Variants in KDM5A observed in about 807,000 individuals in gnomAD.
The protein encoded by KDM5A is lysine-specific demethylase 5A.
KDM5A carries 42 observed loss-of-function variants against 193.5 expected under a neutral mutation model. The ratio of observed to expected loss-of-function variants is 0.22; its 90% CI spans 0.17 to 0.28. The LOEUF (loss-of-function observed/expected upper bound fraction) is 0.28, where lower values mean the gene tolerates loss of function less well. Among genes scored for constraint, KDM5A ranks in the 10% least tolerant of loss-of-function variants. KDM5A has a pLI of 1.00. For missense variants in KDM5A, 1,692 were observed against 2,055.1 expected (o/e 0.82, Z 3.42); for synonymous variants, 796 against 718.1 (o/e 1.11, Z -1.73).
At position 282,272 on chromosome 12, in the gene KDM5A, G is replaced by C. The variant is rs185895815; in HGVS notation, c.*3184C>G. The C allele has an allele frequency of 8.5e-4, 201 of 236,540 alleles. 2 individuals are homozygous for C. The highest frequency in any genetic ancestry group is 4.1e-3 in the African/African-American group (185 of 45,506). The allele number at this position is 236,540 out of a possible 1,614,324, so 14.7% of individuals were successfully genotyped here. On this transcript the variant is annotated 3_prime_UTR_variant, in exon 28 of 28. Coordinates refer to ENST00000399788, the MANE Select transcript of KDM5A (RefSeq NM_001042603.3). ...TTCCCACTTCAGCCTCCTGACCACAGGTGCACTCTACTGCACCTGGCTGCC... is the reference window on the plus strand; with the variant it reads ...TTCCCACTTCAGCCTCCTGACCACACGTGCACTCTACTGCACCTGGCTGCC...
chr12:374,873 CT>C (rs533467027), intron 3 of KDM5A, among the ~76,000 whole-genome samples: 8 of 149,052 alleles, frequency 5.4e-5, no homozygotes, highest in Non-Finnish European at 9.0e-5. Context: ...GTTGAAAATT[CT>C]TTTTTTTTTA....
At chr12:337,576 T>C (rs80155291) in intron 10 of KDM5A, among the ~76,000 whole-genome samples, 5,952 of 151,974 alleles carry the variant, frequency 0.039, 364 homozygotes, top group African/African-American at 0.13. Flanking sequence ...ATTTATCCTA[T>C]ATTCAAAAGG....
At position 318,249 on chromosome 12, in the gene KDM5A, A is replaced by G. The variant is rs1383816639; in HGVS notation, c.2754T>C (p.Thr918=). The G allele has an allele frequency of 6.2e-7, 1 of 1,614,142 alleles. No homozygotes were observed. Among genetic ancestry groups the G allele is most frequent in the South Asian group, 1.1e-5 (1 of 91,080 alleles). The change falls in exon 19 of 28, where the codon ACT becomes ACC. Residue 918 remains threonine, a synonymous_variant. Transcript: ENST00000399788. The part of the protein sequence containing the change: ...RLTLSDPQQV[T]LDVMKKLIDS... ...CTATCAGCTTCTTCATGACATCCAA[A>G]GTGACTTGTTGCGGATCTGATAAGG...
Position 282,212 on chromosome 12 carries a change from C to T in KDM5A, c.*3244G>A, listed in dbSNP as rs181048887. The T allele has an allele frequency of 3.5e-4, 84 of 242,724 alleles. No individual in the cohort carries two copies. The highest frequency in any genetic ancestry group is 1.7e-3 in the Admixed American group (31 of 17,944). The allele number at this position is 242,724 out of a possible 1,614,324, so 15.0% of individuals were successfully genotyped here. The stretch of plus-strand genomic sequence containing the variant: ...CAGACACATGGGGTCTCGCTGTTGA[C>T]CAGGCGGGACTCAAACTCACAGGTT... On this transcript the variant is annotated 3_prime_UTR_variant, in exon 28 of 28. Coordinates refer to ENST00000399788, the MANE Select transcript of KDM5A (RefSeq NM_001042603.3).
rs1293815768 is a variant in KDM5A, at chr12:323,147, T to C, written c.2210A>G (p.Gln737Arg). 6.3e-7 allele frequency: 1 copy of C among 1,590,908 alleles called. No individual in the cohort carries two copies. The highest frequency in any genetic ancestry group is 2.3e-5 in the East Asian group (1 of 43,568). ...SLLYGVKVRAQSYDTWVSRVT... is the reference protein window; with the variant it reads ...SLLYGVKVRARSYDTWVSRVT... ...ACGACTGACCCAAGTGTCATAGGACTGTGCCCTGACTTTTACACCATATAG... is the reference window on the plus strand; with the variant it reads ...ACGACTGACCCAAGTGTCATAGGACCGTGCCCTGACTTTTACACCATATAG... Residue 737 changes from glutamine (Q) to arginine (R), a missense_variant, in exon 16 of 28, where the codon CAG becomes CGG. Gln to Arg is a conservative substitution (Grantham distance 43). Around this residue, in one of 11 missense-constraint regions of KDM5A, gnomAD observed 965 missense variants for 1,061.0 expected, o/e 0.91. Coordinates refer to ENST00000399788, the MANE Select transcript of KDM5A (RefSeq NM_001042603.3).
chr12:299,343 G>A (rs529156475), intron 24 of KDM5A, among the ~76,000 whole-genome samples: 11 of 152,272 alleles, frequency 7.2e-5, no homozygotes, highest in East Asian at 5.8e-4. Context: ...GACTAACAGC[G>A]GATCTCTCGC....
rs192266598 is a variant in KDM5A at position 280,227 on chromosome 12, A to T, written c.*5229T>A. On this transcript the variant is annotated 3_prime_UTR_variant, in exon 28 of 28. Transcript: ENST00000399788. ...GTTCCCTACTTTTACAATGTGTACAATGTTTCACCATGTTCCAATTAATGG... is the reference window on the plus strand; with the variant it reads ...GTTCCCTACTTTTACAATGTGTACATTGTTTCACCATGTTCCAATTAATGG... 3.4e-5 allele frequency: 8 copies of T among 232,894 alleles called. No homozygotes were observed. In the East Asian group the frequency reaches 3.6e-4, roughly 11 times the overall value. 14.4% of individuals were successfully genotyped at this position (232,894 alleles called of 1,614,324 possible). A position where few individuals can be genotyped will look rare whatever the true frequency, so the allele number is the denominator to read the frequency against.
chr12:352,432 C>A (rs715230), intron 8 of KDM5A, 108 bp from the exon 9 acceptor site: 692,533 of 980,520 alleles, frequency 0.71, 246,875 homozygotes, highest in Middle Eastern at 0.75. Flanking sequence ...AAAGTAAATC[C>A]AGTCAACCCT....
At chr12:327,230 T>A (rs573225888) in intron 14 of KDM5A, among the ~76,000 whole-genome samples, 13 of 152,268 alleles carry the variant, frequency 8.5e-5, no homozygotes, top group African/African-American at 2.9e-4. Flanking sequence ...ATTCAAATTA[T>A]CAAAGCACAA....
At chr12:290,363 T>C (rs889180769) in intron 27 of KDM5A, among the ~76,000 whole-genome samples, 1 of 152,166 alleles carries the variant, frequency 6.6e-6, no homozygotes, top group Non-Finnish European at 1.5e-5. Context: ...AAACACGTTA[T>C]AGAAATAAAA....
At chr12:318,531 A>AT (rs1555130343) in intron 18 of KDM5A, 70 bp from the exon 19 acceptor site, 5 of 1,140,060 alleles carry the variant, frequency 4.4e-6, no homozygotes, top group African/African-American at 1.5e-5. Flanking sequence ...TGAAATAGAC[A>AT]TAGTCAAGGC....
intron 14 of KDM5A, among the ~76,000 whole-genome samples, chr12:326,855 ACT>A (rs1358217747): frequency 4.1e-5 from 5 of 122,978 alleles, no homozygotes; most frequent in African/African-American, 1.6e-4. Context: ...ACAGAGCTAG[ACT>A]CTGTCTCAAA....
chr12:352,848 T>G (rs192258211), intron 8 of KDM5A, among the ~76,000 whole-genome samples: 1 of 152,188 alleles, frequency 6.6e-6, no homozygotes, highest in African/African-American at 2.4e-5. Context: ...ACCTGGAGAA[T>G]AGTAAATAAG....
intron 19 of KDM5A, among the ~76,000 whole-genome samples, chr12:316,632 T>C (rs1449796234): frequency 6.6e-6 from 1 of 152,234 alleles, no homozygotes; most frequent in African/African-American, 2.4e-5. Context: ...AAAATCATAG[T>C]TTTACATTCC....
chr12:298,145 G>C (rs1282577166), intron 24 of KDM5A, among the ~76,000 whole-genome samples: 1 of 152,178 alleles, frequency 6.6e-6, no homozygotes, highest in East Asian at 1.9e-4. Context: ...GTCCCTGCCT[G>C]ACGGCTCTGA....
intron 3 of KDM5A, among the ~76,000 whole-genome samples, chr12:382,553 T>C (rs919606884): frequency 5.9e-5 from 9 of 152,150 alleles, no homozygotes; most frequent in African/African-American, 1.7e-4. Context: ...AATTATAAGA[T>C]ATGAAAGGCC....
intron 3 of KDM5A, among the ~76,000 whole-genome samples, chr12:370,809 C>A (rs1944418672): frequency 6.6e-6 from 1 of 152,178 alleles, no homozygotes; most frequent in African/African-American, 2.4e-5. Flanking sequence ...TGTTCACCTT[C>A]CTGTGTCCAA....
rs192337793 is a variant in KDM5A, at chr12:305,934, G to A, written c.4074+1012C>T. Among the ~76,000 whole-genome samples the A allele has an allele frequency of 2.0e-3, 301 of 147,858 alleles. 1 individual carries two copies. Among genetic ancestry groups the A allele is most frequent in the Non-Finnish European group, 5.8e-4 (39 of 67,324 alleles). On this transcript the variant is annotated intron_variant, in intron 24 of 27. Transcript: ENST00000399788. ...ACATTCTATCTAGCACCATCCAGAC[G>A]AGAAAGCAGAGCAAAAGACTCTAGC...
At chr12:333,268 A>C in intron 12 of KDM5A, 1 of 571,378 alleles carries the variant, frequency 1.8e-6, no homozygotes, top group East Asian at 3.1e-5. Context: ...AAAATACAAC[A>C]ATTAGCCGGG....
Sources: gnomAD v4.1 joint callset for allele counts (sites outside exome capture counted in the v4.1 genomes callset) on GRCh38, gnomAD v4.1.1 for gene constraint, gnomAD v4.1.1 regional missense constraint, MANE v1.5 for transcripts, NCBI Gene and HGNC (gene_info 2026-07-23, HGNC 2026-07-21) for gene names.